Variants in PPP2R3C observed in about 807,000 individuals in gnomAD.
PPP2R3C encodes serine/threonine-protein phosphatase 2A regulatory subunit B'' subunit gamma.
In PPP2R3C, 47 loss-of-function variants were observed where a neutral mutation model predicts 63.7. The ratio of observed to expected loss-of-function variants is 0.74; its 90% confidence interval spans 0.58 to 0.94. PPP2R3C has a LOEUF of 0.94. Ranked by LOEUF, PPP2R3C falls within the 40% of genes least tolerant of loss-of-function variation. The probability of loss-of-function intolerance (pLI) is 0.00; values close to 1 mark genes in which losing one functional copy is unlikely to be tolerated. For missense variants in PPP2R3C, 421 were observed against 518.4 expected (o/e 0.81, Z 1.82); for synonymous variants, 180 against 177.4 (o/e 1.01, Z -0.12).
At chr14:35,118,315 AG>A (rs2046765197) in intron 1 of PPP2R3C, among the ~76,000 whole-genome samples, 1 of 152,236 alleles carries the variant, frequency 6.6e-6, no homozygotes, top group Admixed American at 6.5e-5. Flanking sequence ...GAATGATTAA[AG>A]AAAAACTGAT....
chr14:35,110,451 GAAATCCTGCA>G, intron 3 of PPP2R3C, 64 bp downstream of exon 3: 1 of 1,032,152 alleles, frequency 9.7e-7, no homozygotes, highest in Admixed American at 2.1e-5. Context: ...TAGGCACCAA[GAAATCCTGCA>G]TGATTTAAGT....
chr14:35,086,132 T>G (rs1406692973), intron 12 of PPP2R3C: 1 of 172,686 alleles, frequency 5.8e-6, no homozygotes, highest in Non-Finnish European at 1.2e-5. Flanking sequence ...TTAACTAGTT[T>G]CTTATATATT....
chr14:35,110,910 C>T (rs984307298), intron 2 of PPP2R3C, among the ~76,000 whole-genome samples: 1 of 152,170 alleles, frequency 6.6e-6, no homozygotes, highest in East Asian at 1.9e-4. Context: ...CTTAGAATGA[C>T]ACAGAATTGG....
rs1385171919 is a variant in PPP2R3C at position 35,090,332 on chromosome 14, C to T, written c.1113+738G>A. Among the ~76,000 whole-genome samples, 5 of 149,536 alleles carry T rather than the reference C, an allele frequency of 3.3e-5. No homozygotes were observed. The South Asian group carries it at 8.4e-4, about 25-fold the overall frequency. ...TTTCAGCTCACTGCAACCTCCGCCT[C>T]CTGGGTTCAAGTGATTCTCCTGCCT... On this transcript the variant is annotated intron_variant, in intron 11 of 12. Coordinates refer to ENST00000261475, the MANE Select transcript of PPP2R3C (RefSeq NM_017917.4).
At position 35,089,757 on chromosome 14, in the gene PPP2R3C, C is replaced by T. The variant is rs1017994490; in HGVS notation, c.1113+1313G>A. Among the ~76,000 whole-genome samples, 49 of 152,140 alleles carry T rather than the reference C, an allele frequency of 3.2e-4. 1 individual carries two copies. Among genetic ancestry groups the T allele is most frequent in the Admixed American group, 1.3e-4 (2 of 15,260 alleles). On this transcript the variant is annotated intron_variant, in intron 11 of 12. Transcript: ENST00000261475. ...CTCGGCTCACTGCAAGCTCTGCCTCCTGGGTTCATGCCATTCTCCTGCCTC... is the reference window on the plus strand; with the variant it reads ...CTCGGCTCACTGCAAGCTCTGCCTCTTGGGTTCATGCCATTCTCCTGCCTC...
At chr14:35,110,348 G>C (rs2138694496) in intron 3 of PPP2R3C, 177 bp downstream of exon 3, 1 of 540,016 alleles carries the variant, frequency 1.9e-6, no homozygotes, top group East Asian at 3.1e-5. Flanking sequence ...CACTATGTTT[G>C]GGGTACATGA....
At position 35,091,153 on chromosome 14, in the gene PPP2R3C, C is replaced by A; in HGVS notation, c.1030G>T (p.Ala344Ser). 3 of 1,609,422 alleles carry A rather than the reference C, an allele frequency of 1.9e-6. No individual in the cohort carries two copies. The highest frequency in any genetic ancestry group is 2.5e-6 in the Non-Finnish European group (3 of 1,177,050). Reference sequence around the variant, plus strand: ...AGTTTGAAAATATATTGTAGAGCTGCAGGTTCCTTTCTGTTTTCTAATGCA... The same window carrying A: ...AGTTTGAAAATATATTGTAGAGCTGAAGGTTCCTTTCTGTTTTCTAATGCA... Reference protein sequence around the residue: ...VLALENRKEPAALQYIFKLLD... With the variant: ...VLALENRKEPSALQYIFKLLD... Residue 344 changes from alanine (A) to serine (S), a missense_variant, in exon 11 of 13, where the codon GCA (alanine) becomes TCA (serine). This residue lies in a region of PPP2R3C where 231 missense variants were observed against 264.8 expected (regional missense o/e 0.87). Transcript: ENST00000261475.
chr14:35,115,012 T>A (rs1056443245), intron 2 of PPP2R3C, among the ~76,000 whole-genome samples: 5 of 150,748 alleles, frequency 3.3e-5, no homozygotes, highest in Admixed American at 2.6e-4. Context: ...AACAAAAAGA[T>A]GGGGTGTGGG....
Position 35,099,364 on chromosome 14 carries a change from C to A in PPP2R3C, c.594G>T (p.Leu198Phe). The stretch of plus-strand genomic sequence containing the variant: ...ATTGTGGCAACGTAGGGATAAGTTC[C>A]AATATGTAGTTTTCTAAATCCTGAA... ...LRESDLENYI[L>F]ELIPTLPQLD... Residue 198 changes from leucine (L) to phenylalanine (F), a missense_variant, in exon 7 of 13, where the codon TTG becomes TTT. Transcript: ENST00000261475. 1 of 1,596,778 alleles carries A rather than the reference C, an allele frequency of 6.3e-7. No individual in the cohort carries two copies. The highest frequency in any genetic ancestry group is 1.2e-5 in the South Asian group (1 of 86,300).
At position 35,107,369 on chromosome 14, in the gene PPP2R3C, G is replaced by A. The variant is rs1180089195; in HGVS notation, c.508C>T (p.Leu170Phe). The change falls in exon 6 of 13, where the codon CTT (leucine) becomes TTT (phenylalanine). Residue 170 changes from leucine to phenylalanine, a missense_variant. By Grantham distance (22) the Leu-to-Phe change is conservative. Transcript: ENST00000261475. ...CTGAGTCCTATTCTTGTTTGATGAA[G>A]CCAAACTGACAATAAACAAGAAAAT... Reference protein sequence around the residue: ...FFNYVMRKVWLHQTRIGLSLY... With the variant: ...FFNYVMRKVWFHQTRIGLSLY... 1 of 1,603,688 alleles carries A rather than the reference G, an allele frequency of 6.2e-7. No individual in the cohort carries two copies. Among genetic ancestry groups the A allele is most frequent in the South Asian group, 1.1e-5 (1 of 90,844 alleles).
intron 4 of PPP2R3C, among the ~76,000 whole-genome samples, chr14:35,108,783 A>C (rs1385090368): frequency 1.3e-5 from 2 of 150,914 alleles, no homozygotes; most frequent in Non-Finnish European, 2.9e-5. Context: ...AAAAAGATAA[A>C]TATATATATA....
chr14:35,090,148 T>C (rs1264854362), intron 11 of PPP2R3C, among the ~76,000 whole-genome samples: 1 of 151,938 alleles, frequency 6.6e-6, no homozygotes, highest in Non-Finnish European at 1.5e-5. Context: ...ATAAATTCTA[T>C]ACTTGTGATG....
intron 6 of PPP2R3C, among the ~76,000 whole-genome samples, chr14:35,103,021 A>G (rs539378747): frequency 2.0e-5 from 3 of 152,216 alleles, no homozygotes; most frequent in South Asian, 4.1e-4. Context: ...CGGCCTCCCA[A>G]AGTTGCTGGG....
intron 10 of PPP2R3C, 30 bp from the exon 11 acceptor site, chr14:35,091,237 G>C: frequency 6.5e-7 from 1 of 1,538,602 alleles, no homozygotes; most frequent in African/African-American, 1.4e-5. Flanking sequence ...GTTCATTAGA[G>C]GCCTTAGTTG....
At chr14:35,099,518 A>G in intron 6 of PPP2R3C, 134 bp from the exon 7 acceptor site, 1 of 1,133,682 alleles carries the variant, frequency 8.8e-7, no homozygotes, top group Non-Finnish European at 1.2e-6. Flanking sequence ...TTAGTGGTAA[A>G]ACTATTTTAC....
intron 6 of PPP2R3C, among the ~76,000 whole-genome samples, chr14:35,107,099 G>T (rs1026202259): frequency 3.9e-5 from 6 of 152,064 alleles, no homozygotes; most frequent in African/African-American, 1.4e-4. Flanking sequence ...TGTTTCACTG[G>T]AAAGATGATG....
chr14:35,092,496 C>T (rs2891299), intron 10 of PPP2R3C, among the ~76,000 whole-genome samples: 8,247 of 151,316 alleles, frequency 0.055, 302 homozygotes, highest in African/African-American at 0.1. Context: ...GATGGAGTTT[C>T]GCTCTTGTTG....
chr14:35,102,275 TGGCCTCCCAAAGTGCTGGA>T, intron 6 of PPP2R3C: 1 of 152,280 alleles, frequency 6.6e-6, no homozygotes, highest in South Asian at 2.1e-4. Context: ...CTGCCTGCCT[TGGCCTCCCAAAGTGCTGGA>T]ATTACAGGCG....
intron 11 of PPP2R3C, among the ~76,000 whole-genome samples, chr14:35,089,823 G>C (rs772018426): frequency 1.4e-5 from 2 of 143,402 alleles, no homozygotes; most frequent in Admixed American, 1.4e-4. Flanking sequence ...CCGCCACCAC[G>C]CCCGGCTGAT....
Sources: allele counts gnomAD v4.1 joint callset (sites outside exome capture counted in the v4.1 genomes callset), GRCh38; gene constraint gnomAD v4.1.1; regional missense constraint gnomAD v4.1.1; transcripts MANE v1.5; gene names NCBI Gene and HGNC (gene_info 2026-07-23, HGNC 2026-07-21).